NTM: variants seen among roughly 807,000 people sequenced by gnomAD.
The protein encoded by NTM is neurotrimin, also known as IgLON family member 2.
NTM carries 13 observed loss-of-function variants against 42.1 expected under a neutral mutation model. The observed-to-expected ratio is 0.31, with a 90% CI of 0.20 to 0.49. The LOEUF is 0.49. NTM is among the 20% of genes least tolerant of loss of function. NTM has a pLI of 0.99. For missense variants in NTM, 373 were observed against 452.8 expected, an observed-to-expected ratio of 0.82 and a Z score of 1.60; for synonymous variants, 187 against 179.2, an observed-to-expected ratio of 1.04 and a Z score of -0.35.
chr11:131,891,806 T>C (rs182705271), intron 1 of NTM, among the ~76,000 whole-genome samples: 1 of 152,320 alleles, frequency 6.6e-6, no homozygotes, highest in Non-Finnish European at 1.5e-5. Flanking sequence ...TTTCTTTCTC[T>C]CTCTTTTACA....
intron 1 of NTM, among the ~76,000 whole-genome samples, chr11:131,656,268 C>A (rs935162092): frequency 1.3e-5 from 2 of 152,230 alleles, no homozygotes; most frequent in African/African-American, 2.4e-5. Context: ...ATCCCAGTTA[C>A]GGGGGTGGCT....
intron 1 of NTM, among the ~76,000 whole-genome samples, chr11:131,627,020 T>A (rs2137723116): frequency 6.6e-6 from 1 of 152,300 alleles, no homozygotes; most frequent in Middle Eastern, 3.4e-3. Flanking sequence ...TCTGGCGTGT[T>A]TGACAAGCTG....
intron 1 of NTM, among the ~76,000 whole-genome samples, chr11:131,466,606 C>G (rs1951923477): frequency 6.6e-6 from 1 of 152,180 alleles, no homozygotes; most frequent in Non-Finnish European, 1.5e-5. Flanking sequence ...CTCTCCCTAG[C>G]ATGTTATGCC....
At chr11:131,864,639 A>T (rs2046960127) in intron 1 of NTM, among the ~76,000 whole-genome samples, 1 of 152,162 alleles carries the variant, frequency 6.6e-6, no homozygotes, top group Admixed American at 6.5e-5. Flanking sequence ...TTTCACAGAA[A>T]CAAAGACTGT....
chr11:131,838,995 C>T (rs979282446), intron 1 of NTM, among the ~76,000 whole-genome samples: 22 of 150,222 alleles, frequency 1.5e-4, no homozygotes, highest in African/African-American at 5.4e-4. Context: ...GAGTCTCGCA[C>T]TGTCACCCGG....
chr11:131,654,333 C>G (rs115278601), intron 1 of NTM, among the ~76,000 whole-genome samples: 1 of 152,176 alleles, frequency 6.6e-6, no homozygotes, highest in Non-Finnish European at 1.5e-5. Flanking sequence ...AAGGCAGGGC[C>G]GGTGTCCTTC....
intron 1 of NTM, among the ~76,000 whole-genome samples, chr11:131,828,605 A>C (rs572479675): frequency 6.6e-6 from 1 of 151,982 alleles, no homozygotes; most frequent in East Asian, 1.9e-4. Context: ...CATCACCGCC[A>C]CCTTAACCAT....
At chr11:132,203,406 A>C (rs1329459013) in intron 3 of NTM, among the ~76,000 whole-genome samples, 2 of 152,218 alleles carry the variant, frequency 1.3e-5, no homozygotes, top group African/African-American at 4.8e-5. Flanking sequence ...GTGTTGATAT[A>C]TAATGAATAC....
chr11:131,864,289 C>T (rs1309944355), intron 1 of NTM, among the ~76,000 whole-genome samples: 1 of 151,866 alleles, frequency 6.6e-6, no homozygotes, highest in Non-Finnish European at 1.5e-5. Context: ...TGTGGAGCGA[C>T]TCCTTTGCTT....
intron 1 of NTM, among the ~76,000 whole-genome samples, chr11:131,873,704 T>G (rs989536868): frequency 3.5e-5 from 5 of 142,672 alleles, no homozygotes; most frequent in African/African-American, 5.2e-5. Flanking sequence ...CACATATATA[T>G]ATATACACAC....
intron 2 of NTM, among the ~76,000 whole-genome samples, chr11:132,031,046 C>T (rs1222523296): frequency 1.3e-5 from 2 of 152,154 alleles, no homozygotes; most frequent in Non-Finnish European, 2.9e-5. Flanking sequence ...AAGCTAGCCA[C>T]TCATGCACAT....
chr11:132,174,137 G>T (rs2076471340), intron 3 of NTM, among the ~76,000 whole-genome samples: 1 of 152,132 alleles, frequency 6.6e-6, no homozygotes, highest in Non-Finnish European at 1.5e-5. Flanking sequence ...GATACTTAAT[G>T]ATTTAGTTTC....
At chr11:131,644,541 C>T (rs541093032) in intron 1 of NTM, among the ~76,000 whole-genome samples, 5 of 152,170 alleles carry the variant, frequency 3.3e-5, no homozygotes, top group African/African-American at 1.2e-4. Context: ...ATTCATTACT[C>T]GCCACAGAAG....
intron 1 of NTM, among the ~76,000 whole-genome samples, chr11:131,886,098 G>T (rs1298102894): frequency 6.6e-6 from 1 of 152,100 alleles, no homozygotes; most frequent in African/African-American, 2.4e-5. Flanking sequence ...TTTCAACCTT[G>T]CCGTTCTCTG....
chr11:131,987,392 TTCTA>T (rs2066244880), intron 2 of NTM, among the ~76,000 whole-genome samples: 1 of 117,486 alleles, frequency 8.5e-6, no homozygotes, highest in Admixed American at 8.3e-5. Flanking sequence ...TTCTATTCTA[TTCTA>T]TTCTATTCTA....
intron 3 of NTM, among the ~76,000 whole-genome samples, chr11:132,156,773 T>C (rs7109958): frequency 0.063 from 9,535 of 152,284 alleles, 468 homozygotes; most frequent in African/African-American, 0.14. Context: ...AAAATATACT[T>C]TGCATGGTAG....
chr11:131,573,879 T>C (rs1453537100), intron 1 of NTM, among the ~76,000 whole-genome samples: 1 of 152,160 alleles, frequency 6.6e-6, no homozygotes, highest in African/African-American at 2.4e-5. Context: ...TGGAGCACTG[T>C]CCACCTGCGG....
chr11:131,756,315 G>T lies in NTM; in HGVS notation c.83-155249G>T, dbSNP rs367707787. ...GTTAAAGAATTGCAGGCGGGGCGTG[G>T]TGACACACCTGTAATTCCAGCATTT... On this transcript the variant is annotated intron_variant, in intron 1 of 8. Transcript: ENST00000683400. 1.7e-4 allele frequency among the ~76,000 whole-genome samples: 26 copies of T among 152,284 alleles called. No individual in the cohort carries two copies. The East Asian group carries it at 5.0e-3, about 29-fold the overall frequency.
At chr11:131,900,206 G>T (rs2052943747) in intron 1 of NTM, among the ~76,000 whole-genome samples, 1 of 152,162 alleles carries the variant, frequency 6.6e-6, no homozygotes, top group Non-Finnish European at 1.5e-5. Flanking sequence ...GGCAGGAAGT[G>T]GAACATGCAA....
Sources: allele counts gnomAD v4.1 joint callset (sites outside exome capture counted in the v4.1 genomes callset), GRCh38; gene constraint gnomAD v4.1.1; transcripts MANE v1.5; gene names NCBI Gene and HGNC (gene_info 2026-07-23, HGNC 2026-07-21).